The following MYL1 variants were observed in gnomAD, a reference collection of about 807,000 sequenced individuals.
The protein encoded by MYL1 is myosin light chain 1/3, skeletal muscle isoform.
MYL1 carries 16 observed loss-of-function variants against 21.8 expected under a neutral mutation model. The observed-to-expected ratio is 0.74, with a 90% confidence interval of 0.50 to 1.12. The LOEUF is 1.12. Among genes scored for constraint, MYL1 ranks in the 50% most tolerant of loss-of-function variants. The pLI is 0.00. For missense variants in MYL1, 246 were observed against 241.0 expected (o/e 1.02, Z -0.14); for synonymous variants, 99 against 85.2 (o/e 1.16, Z -0.89).
At position 210,315,134 on chromosome 2, in the gene MYL1, T is replaced by A; in HGVS notation, c.-92A>T. On this transcript the variant is annotated 5_prime_UTR_variant, in exon 1 of 7. Transcript: ENST00000352451. The stretch of plus-strand genomic sequence containing the variant: ...CTTGGAAGAGGAGTGGTGGTTGGGT[T>A]GATCCACAGCCCAGTGTCTTGAAGA... 2.0e-6 allele frequency: 3 copies of A among 1,480,304 alleles called. No individual in the cohort carries two copies. Among genetic ancestry groups the A allele is most frequent in the Non-Finnish European group, 2.7e-6 (3 of 1,090,990 alleles). The allele number at this position is 1,480,304 out of a possible 1,614,324, so 91.7% of individuals were successfully genotyped here.
chr2:210,309,702 C>T (rs1020339419), intron 1 of MYL1, among the ~76,000 whole-genome samples: 3 of 151,866 alleles, frequency 2.0e-5, no homozygotes, highest in African/African-American at 7.2e-5. Flanking sequence ...ATAATCCTTT[C>T]CACCATGAGT....
At chr2:210,291,581 C>CT (rs748981876) in intron 5 of MYL1, among the ~76,000 whole-genome samples, 1 of 152,084 alleles carries the variant, frequency 6.6e-6, no homozygotes, top group Non-Finnish European at 1.5e-5. Flanking sequence ...TTCTAAAAAT[C>CT]TTTTTACACA....
At position 210,307,996 on chromosome 2, in the gene MYL1, GA is replaced by G. The variant is rs895991504; in HGVS notation, c.133-5482del. On this transcript the variant is annotated intron_variant, in intron 1 of 6. Transcript: ENST00000352451. ...AGAGCTATAATTAAAGATAATTGGGGAGACATGTAATGTCGAATACTGGGGG... is the reference window on the plus strand; with the variant it reads ...AGAGCTATAATTAAAGATAATTGGGGGACATGTAATGTCGAATACTGGGGG... Among the ~76,000 whole-genome samples the G allele has an allele frequency of 1.1e-3, 174 of 152,086 alleles. 2 individuals are homozygous for G. Among genetic ancestry groups the G allele is most frequent in the African/African-American group, 4.1e-3 (171 of 41,392 alleles).
intron 1 of MYL1, among the ~76,000 whole-genome samples, chr2:210,304,066 G>T (rs2125742613): frequency 6.6e-6 from 1 of 152,312 alleles, no homozygotes; most frequent in East Asian, 1.9e-4. Flanking sequence ...ATCCTCTGAA[G>T]TGTACTGTCC....
At chr2:210,298,335 A>T in intron 3 of MYL1, 85 bp downstream of exon 3, 1 of 1,316,342 alleles carries the variant, frequency 7.6e-7, no homozygotes. Context: ...ACACACACAC[A>T]TACTACACAC....
chr2:210,311,337 A>G (rs1157108830), intron 1 of MYL1, among the ~76,000 whole-genome samples: 1 of 152,120 alleles, frequency 6.6e-6, no homozygotes, highest in Non-Finnish European at 1.5e-5. Flanking sequence ...CCCATCAGTA[A>G]GTAAATGTAT....
intron 5 of MYL1, 89 bp from the exon 6 acceptor site, chr2:210,291,163 C>G (rs1690069684): frequency 2.0e-6 from 2 of 1,020,006 alleles, no homozygotes; most frequent in African/African-American, 1.6e-5. Flanking sequence ...TTAGCTCAAT[C>G]CTATTTTTAG....
chr2:210,301,584 A>AT (rs970269314), intron 2 of MYL1, among the ~76,000 whole-genome samples: 1 of 151,918 alleles, frequency 6.6e-6, no homozygotes, highest in Non-Finnish European at 1.5e-5. Flanking sequence ...TTTGAAGCTA[A>AT]TTTTTTCTCC....
At position 210,291,213 on chromosome 2, in the gene MYL1, T is replaced by C. The variant is rs954054695; in HGVS notation, c.557-139A>G. The C allele has an allele frequency of 7.6e-6, 5 of 654,550 alleles. No individual in the cohort carries two copies. The Admixed American group carries it at 1.2e-4, about 16-fold the overall frequency. The allele number at this position is 654,550 out of a possible 1,614,324, so 40.5% of individuals were successfully genotyped here. On this transcript the variant is annotated intron_variant, in intron 5 of 6. Coordinates refer to ENST00000352451, the MANE Select transcript of MYL1 (RefSeq NM_079420.3). Reference sequence around the variant, plus strand: ...TCTTTTCTTTTGTATTTAAGGTGTGTATAGCTCATAATTCTTAGTAGTGGA... The same window carrying C: ...TCTTTTCTTTTGTATTTAAGGTGTGCATAGCTCATAATTCTTAGTAGTGGA...
At chr2:210,303,337 A>T (rs931723707) in intron 1 of MYL1, among the ~76,000 whole-genome samples, 1 of 152,094 alleles carries the variant, frequency 6.6e-6, no homozygotes, top group Admixed American at 6.5e-5. Context: ...CTCTTGGAAG[A>T]TGTATTTTTC....
intron 1 of MYL1, chr2:210,303,584 G>A (rs1394235132): frequency 1.6e-5 from 26 of 1,609,664 alleles, no homozygotes; most frequent in Non-Finnish European, 2.2e-5. Flanking sequence ...GGAAGCTGAA[G>A]AGTGAGTTGA....
chr2:210,304,396 A>AT (rs147491449), intron 1 of MYL1, among the ~76,000 whole-genome samples: 2 of 151,606 alleles, frequency 1.3e-5, no homozygotes, highest in East Asian at 1.9e-4. Flanking sequence ...CATCCTATAC[A>AT]TTTTTTTTAA....
chr2:210,306,368 A>G (rs13009477), intron 1 of MYL1, among the ~76,000 whole-genome samples: 77,641 of 149,434 alleles, frequency 0.52, 20,373 homozygotes, highest in Middle Eastern at 0.62. Context: ...GCTACAGAGC[A>G]AGACTCCATC....
intron 1 of MYL1, among the ~76,000 whole-genome samples, chr2:210,313,515 G>C (rs984182548): frequency 6.6e-6 from 1 of 151,924 alleles, no homozygotes; most frequent in African/African-American, 2.4e-5. Flanking sequence ...CAGTCCTCAA[G>C]TTAGAAAAAC....
rs1453679401 is a variant in MYL1 at position 210,298,527 on chromosome 2, CCTGTT to C, written c.192_196del (p.Thr65Ter). 6.2e-7 allele frequency: 1 copy of C among 1,613,958 alleles called. No homozygotes were observed. The highest frequency in any genetic ancestry group is 8.5e-7 in the Non-Finnish European group (1 of 1,180,016). ...CTGGCTTAAGGTGATCTTGGAATCA[CCTGTT>C]CTGTCAAACAGGAGAAATGCCTCCT... On this transcript the variant is annotated frameshift_variant, in exon 3 of 7. Coordinates refer to ENST00000352451, the MANE Select transcript of MYL1 (RefSeq NM_079420.3). LOFTEE classifies it high-confidence loss of function.
At chr2:210,307,165 T>G (rs533394126) in intron 1 of MYL1, among the ~76,000 whole-genome samples, 1 of 152,292 alleles carries the variant, frequency 6.6e-6, no homozygotes, top group South Asian at 2.1e-4. Flanking sequence ...CTGAAAATTT[T>G]TTAACCTTCC....
At chr2:210,297,790 T>C (rs116136621) in intron 3 of MYL1, among the ~76,000 whole-genome samples, 1,525 of 151,852 alleles carry the variant, frequency 0.01, 28 homozygotes, top group African/African-American at 0.035. Context: ...CTCTGTCCTT[T>C]GACACCCTGC....
chr2:210,307,171 C>T lies in MYL1; in HGVS notation c.133-4656G>A, dbSNP rs543787111. Among the ~76,000 whole-genome samples, 254 of 152,240 alleles carry T rather than the reference C, an allele frequency of 1.7e-3. 1 individual carries two copies. Among genetic ancestry groups the T allele is most frequent in the Non-Finnish European group, 2.5e-3 (173 of 68,016 alleles). On this transcript the variant is annotated intron_variant, in intron 1 of 6. Coordinates refer to ENST00000352451, the MANE Select transcript of MYL1 (RefSeq NM_079420.3). ...TTCATCCCACTGAAAATTTTTTAAC[C>T]TTCCTGATTGTAAACTGGGAAGCGT...
intron 1 of MYL1, among the ~76,000 whole-genome samples, chr2:210,314,374 A>G (rs1360974663): frequency 2.0e-5 from 3 of 152,186 alleles, no homozygotes; most frequent in African/African-American, 7.2e-5. Context: ...GTTGTATCAA[A>G]TTTTATTAGG....
Sources: allele counts gnomAD v4.1 joint callset (sites outside exome capture counted in the v4.1 genomes callset), GRCh38; gene constraint gnomAD v4.1.1; transcripts MANE v1.5; gene names NCBI Gene and HGNC (gene_info 2026-07-23, HGNC 2026-07-21).